CNTN5: variants seen among roughly 807,000 people sequenced by gnomAD.
The protein encoded by CNTN5 is contactin-5.
CNTN5 carries 77 observed loss-of-function variants against 129.1 expected under a neutral mutation model. That is an observed-to-expected ratio of 0.60 (90% CI 0.50 to 0.72). The LOEUF (loss-of-function observed/expected upper bound fraction) is 0.72, where lower values mean the gene tolerates loss of function less well. Among genes scored for constraint, CNTN5 ranks in the 30% least tolerant of loss-of-function variants. The pLI, the probability that CNTN5 is intolerant of heterozygous loss-of-function variation, is 0.00. For synonymous variants in CNTN5, 509 were observed against 465.6 expected (o/e 1.09, Z -1.20); for missense variants, 1,478 against 1,328.8 (o/e 1.11, Z -1.75).
chr11:99,652,441 T>C (rs531262318), intron 3 of CNTN5, among the ~76,000 whole-genome samples: 1 of 152,064 alleles, frequency 6.6e-6, no homozygotes, highest in South Asian at 2.1e-4. Flanking sequence ...TCTATATGAT[T>C]CAGAGGTTCT....
intron 3 of CNTN5, among the ~76,000 whole-genome samples, chr11:99,807,274 A>G (rs912791583): frequency 4.6e-5 from 7 of 152,136 alleles, no homozygotes; most frequent in African/African-American, 1.7e-4. Flanking sequence ...ATTCTAGAAA[A>G]CAGTTTTAGC....
intron 3 of CNTN5, among the ~76,000 whole-genome samples, chr11:99,610,845 A>G (rs1477012329): frequency 1.3e-5 from 2 of 152,170 alleles, no homozygotes; most frequent in Non-Finnish European, 1.5e-5. Flanking sequence ...GGAAGAAGCA[A>G]TGGTTTCAGA....
chr11:99,809,553 T>A (rs1020683109), intron 3 of CNTN5, among the ~76,000 whole-genome samples: 6 of 152,172 alleles, frequency 3.9e-5, no homozygotes, highest in Non-Finnish European at 7.4e-5. Flanking sequence ...ATTATATAAT[T>A]AGCCATCTTG....
intron 6 of CNTN5, among the ~76,000 whole-genome samples, chr11:99,872,704 G>C (rs185937183): frequency 6.6e-6 from 1 of 152,202 alleles, no homozygotes; most frequent in Admixed American, 6.5e-5. Flanking sequence ...CCAATAACAA[G>C]CAGGTTGAGT....
chr11:100,049,247 G>A (rs1180418831), intron 9 of CNTN5, among the ~76,000 whole-genome samples: 1 of 151,948 alleles, frequency 6.6e-6, no homozygotes, highest in Non-Finnish European at 1.5e-5. Context: ...TAGAGGGTTT[G>A]TAAAGTATGT....
chr11:99,134,964 T>C (rs1400690711), intron 1 of CNTN5, among the ~76,000 whole-genome samples: 2 of 152,242 alleles, frequency 1.3e-5, no homozygotes, highest in African/African-American at 4.8e-5. Flanking sequence ...AGTAGTATAA[T>C]GAATGACTTT....
At chr11:99,117,463 C>T (rs1016209216) in intron 1 of CNTN5, among the ~76,000 whole-genome samples, 63 of 152,020 alleles carry the variant, frequency 4.1e-4, no homozygotes, top group African/African-American at 1.4e-3. Context: ...TTATATACTA[C>T]GTATTTTTGA....
intron 3 of CNTN5, among the ~76,000 whole-genome samples, chr11:99,757,516 C>T (rs1176645580): frequency 6.6e-6 from 1 of 151,218 alleles, no homozygotes; most frequent in Non-Finnish European, 1.5e-5. Flanking sequence ...AGCTGTGTGG[C>T]TCAGTCTGTT....
chr11:100,223,877 T>C (rs533456141), intron 15 of CNTN5, among the ~76,000 whole-genome samples: 32 of 152,292 alleles, frequency 2.1e-4, no homozygotes, highest in African/African-American at 6.0e-4. Flanking sequence ...TCTTTCCTGA[T>C]AGAGTAAATT....
chr11:99,633,967 A>G (rs1305394913), intron 3 of CNTN5, among the ~76,000 whole-genome samples: 1 of 152,174 alleles, frequency 6.6e-6, no homozygotes, highest in Non-Finnish European at 1.5e-5. Flanking sequence ...CGTGAGGTCC[A>G]GATACAGCAA....
chr11:99,848,737 T>C (rs1265749112), intron 6 of CNTN5, among the ~76,000 whole-genome samples: 1 of 152,202 alleles, frequency 6.6e-6, no homozygotes, highest in African/African-American at 2.4e-5. Context: ...AATTTTATCA[T>C]ATGTTGTAAA....
At chr11:99,753,942 C>A (rs1192044171) in intron 3 of CNTN5, among the ~76,000 whole-genome samples, 2 of 150,502 alleles carry the variant, frequency 1.3e-5, no homozygotes, top group African/African-American at 4.9e-5. Flanking sequence ...CCCGCCTCAG[C>A]CCCCCAAAGT....
chr11:99,468,752 GAGA>G (rs1945048898), intron 2 of CNTN5, among the ~76,000 whole-genome samples: 2 of 122,870 alleles, frequency 1.6e-5, no homozygotes, highest in Admixed American at 1.8e-4. Flanking sequence ...TTTTTTTTCT[GAGA>G]AGGAGTTTCC....
intron 2 of CNTN5, among the ~76,000 whole-genome samples, chr11:99,400,887 A>T (rs1221317729): frequency 6.6e-6 from 1 of 152,206 alleles, no homozygotes; most frequent in African/African-American, 2.4e-5. Context: ...CGTTTGAGAA[A>T]TGTATATTCA....
At chr11:99,980,133 A>G (rs1297181606) in intron 8 of CNTN5, among the ~76,000 whole-genome samples, 1 of 150,194 alleles carries the variant, frequency 6.7e-6, no homozygotes, top group Admixed American at 6.9e-5. Flanking sequence ...TTCTCTCTGG[A>G]ACTTAAGAAA....
intron 18 of CNTN5, among the ~76,000 whole-genome samples, chr11:100,281,996 A>ATTTTTT (rs34162956): frequency 8.1e-5 from 10 of 123,132 alleles, no homozygotes; most frequent in East Asian, 2.4e-4. Flanking sequence ...TTGGCATTCT[A>ATTTTTT]TTTTTTTTTT....
At chr11:99,099,627 A>T (rs1235720483) in intron 1 of CNTN5, among the ~76,000 whole-genome samples, 2 of 151,996 alleles carry the variant, frequency 1.3e-5, no homozygotes, top group Non-Finnish European at 2.9e-5. Context: ...ACAATCTGGT[A>T]TTGTGTTCAT....
intron 3 of CNTN5, among the ~76,000 whole-genome samples, chr11:99,798,183 C>G (rs1252393681): frequency 6.6e-6 from 1 of 152,018 alleles, no homozygotes; most frequent in African/African-American, 2.4e-5. Context: ...TCATTTGGAT[C>G]CCACTTACAA....
chr11:99,407,821 AG>A (rs1436348534), intron 2 of CNTN5, among the ~76,000 whole-genome samples: 1 of 152,100 alleles, frequency 6.6e-6, no homozygotes, highest in East Asian at 1.9e-4. Context: ...AGTTTGGTCT[AG>A]TTTTGCTTTC....
Sources: allele counts gnomAD v4.1 joint callset (sites outside exome capture counted in the v4.1 genomes callset), GRCh38; gene constraint gnomAD v4.1.1; transcripts MANE v1.5; gene names NCBI Gene and HGNC (gene_info 2026-07-23, HGNC 2026-07-21).